The following PTPDC1 variants were observed in gnomAD, a reference collection of about 807,000 sequenced individuals.
The protein encoded by PTPDC1 is protein tyrosine phosphatase domain-containing protein 1.
A neutral mutation model predicts 75.3 loss-of-function variants in PTPDC1; 53 were observed. The ratio of observed to expected loss-of-function variants is 0.70; its 90% CI spans 0.56 to 0.88. The LOEUF (loss-of-function observed/expected upper bound fraction) is 0.88, where lower values mean the gene tolerates loss of function less well. PTPDC1 is among the 40% of genes least tolerant of loss of function. PTPDC1 has a pLI of 0.00. For missense variants in PTPDC1, 925 were observed against 998.6 expected, an observed-to-expected ratio of 0.93 and a Z score of 0.99; for synonymous variants, 349 against 366.2, an observed-to-expected ratio of 0.95 and a Z score of 0.54.
intron 5 of PTPDC1, among the ~76,000 whole-genome samples, chr9:94,096,080 G>A (rs1827553960): frequency 6.6e-6 from 1 of 152,180 alleles, no homozygotes; most frequent in Non-Finnish European, 1.5e-5. Context: ...TAAAAAGTCA[G>A]TGATTTTACT....
rs77739308 is a variant in PTPDC1, at chr9:94,102,186, G to T, written c.2199+435G>T. 5.0e-3 allele frequency among the ~76,000 whole-genome samples: 762 copies of T among 152,152 alleles called. 24 individuals are homozygous for T. The highest frequency in any genetic ancestry group is 0.044 in the East Asian group (230 of 5,174). ...ATAATTAAGCACTGTTTCACTGTTG[G>T]TTGTTTGTTTCTACTTATTTGCTGT... is the stretch of plus-strand genomic sequence containing the variant. On this transcript the variant is annotated intron_variant, in intron 7 of 8. Coordinates refer to ENST00000620992, the MANE Select transcript of PTPDC1 (RefSeq NM_001253829.2).
rs188935050 is a variant in PTPDC1 at position 94,103,138 on chromosome 9, A to G, written c.2200-1137A>G. ...TGCCTGCACACACACACATACACTC[A>G]CATACCACAGTTATGCAATACATAT... is the stretch of plus-strand genomic sequence containing the variant. On this transcript the variant is annotated intron_variant, in intron 7 of 8. Transcript: ENST00000620992. Among the ~76,000 whole-genome samples the G allele has an allele frequency of 7.2e-5, 11 of 152,264 alleles. No individual in the cohort carries two copies. In the East Asian group the frequency reaches 2.1e-3, roughly 29 times the overall value.
Position 94,107,915 on chromosome 9 carries a change from A to C in PTPDC1, c.2398A>C (p.Thr800Pro). The C allele has an allele frequency of 2.5e-6, 4 of 1,606,356 alleles. No individual in the cohort carries two copies. Among genetic ancestry groups the C allele is most frequent in the Non-Finnish European group, 3.4e-6 (4 of 1,175,804 alleles). Residue 800 changes from threonine (T) to proline (P), a missense_variant, in exon 9 of 9, where the codon ACA becomes CCA. Physicochemically the swap from Thr to Pro is conservative, Grantham distance 38. Transcript: ENST00000620992. ...CACGCTGGAAGAAAAAAGAAAAATG[A>C]CAAAAGATGGCCCTAAGCCTGGCCT... is the stretch of plus-strand genomic sequence containing the variant. ...KHTLEEKRKM[T>P]KDGPKPGL
intron 1 of PTPDC1, among the ~76,000 whole-genome samples, chr9:94,049,896 G>A (rs971663805): frequency 2.0e-5 from 3 of 152,136 alleles, no homozygotes; most frequent in Non-Finnish European, 4.4e-5. Context: ...CATATTTCTT[G>A]GAGGCTTTGT....
chr9:94,057,532 A>T (rs947658578), intron 1 of PTPDC1, among the ~76,000 whole-genome samples: 19 of 152,228 alleles, frequency 1.2e-4, no homozygotes, highest in African/African-American at 4.6e-4. Flanking sequence ...AAGATAACAA[A>T]TATTTATTGA....
chr9:94,088,176 C>T lies in PTPDC1; in HGVS notation c.529C>T (p.Arg177Cys), dbSNP rs749202866. 9.9e-6 allele frequency: 16 copies of T among 1,613,682 alleles called. No homozygotes were observed. The highest frequency in any genetic ancestry group is 5.0e-5 in the Admixed American group (3 of 59,980). Residue 177 changes from arginine (R) to cysteine (C), a missense_variant, in exon 4 of 9, where the codon CGC becomes TGC. Arg to Cys is a radical substitution (Grantham distance 180). Coordinates refer to ENST00000620992, the MANE Select transcript of PTPDC1 (RefSeq NM_001253829.2). ...HGIKTIINLQRPGEHASCGNP... is the reference protein window; with the variant it reads ...HGIKTIINLQCPGEHASCGNP... ...CATAAAAACAATAATCAACCTCCAG[C>T]GCCCTGGTGAGCATGCTAGCTGTGG...
chr9:94,086,852 G>C (rs986386089), intron 2 of PTPDC1, among the ~76,000 whole-genome samples: 11 of 152,174 alleles, frequency 7.2e-5, no homozygotes, highest in African/African-American at 2.7e-4. Flanking sequence ...CTAGAAAGTA[G>C]AAGAGCCAGC....
chr9:94,087,896 T>C lies in PTPDC1; in HGVS notation c.482T>C (p.Ile161Thr), dbSNP rs778345507. 4.3e-6 allele frequency: 7 copies of C among 1,613,572 alleles called. No homozygotes were observed. Among genetic ancestry groups the C allele is most frequent in the Middle Eastern group, 1.6e-4 (1 of 6,062 alleles). ...SSELLEKYHI[I>T]DQFLSHGIKT... ...GAGCTCCTGGAGAAGTACCACATCA[T>C]TGATCAGTTCCTCAGGTAAATGCTG... is the stretch of plus-strand genomic sequence containing the variant. The change falls in exon 3 of 9, where the codon ATT (isoleucine) becomes ACT (threonine). Residue 161 changes from isoleucine (I) to threonine (T), a missense_variant. Transcript: ENST00000620992.
At chr9:94,087,426 A>G (rs150356787) in intron 2 of PTPDC1, among the ~76,000 whole-genome samples, 64 of 152,338 alleles carry the variant, frequency 4.2e-4, no homozygotes, top group African/African-American at 1.3e-3. Flanking sequence ...ACCTAAAGAG[A>G]AAAAAAGCAA....
At chr9:94,080,854 AT>A (rs1826853538), upstream of PTPDC1, among the ~76,000 whole-genome samples, 1 of 152,202 alleles carries the variant, frequency 6.6e-6, no homozygotes, top group Non-Finnish European at 1.5e-5. Context: ...TATCTCAACC[AT>A]AATTTCCTGA....
intron 4 of PTPDC1, among the ~76,000 whole-genome samples, chr9:94,091,216 G>A (rs1175418129): frequency 6.6e-6 from 1 of 151,782 alleles, no homozygotes; most frequent in East Asian, 1.9e-4. Flanking sequence ...TTGGCTGTGG[G>A]TTTGTCATAG....
chr9:94,049,128 A>G (rs1010765409), intron 1 of PTPDC1, among the ~76,000 whole-genome samples: 8 of 152,188 alleles, frequency 5.3e-5, no homozygotes, highest in African/African-American at 1.9e-4. Context: ...TCCTGAATAC[A>G]GCACCCTGTT....
At chr9:94,034,869 A>G (rs985251029) in intron 1 of PTPDC1, among the ~76,000 whole-genome samples, 3 of 152,142 alleles carry the variant, frequency 2.0e-5, no homozygotes, top group Non-Finnish European at 4.4e-5. Context: ...ATGGGGTGCA[A>G]AATGATGCTG....
chr9:94,051,109 G>A (rs1825777625), intron 1 of PTPDC1, among the ~76,000 whole-genome samples: 1 of 152,202 alleles, frequency 6.6e-6, no homozygotes, highest in African/African-American at 2.4e-5. Context: ...AGTGCCGTCT[G>A]TACCCCTTTC....
intron 4 of PTPDC1, among the ~76,000 whole-genome samples, chr9:94,092,255 ATGCG>A (rs1358892772): frequency 6.9e-6 from 1 of 143,946 alleles, no homozygotes; most frequent in African/African-American, 2.6e-5. Context: ...ACTGCTTTGA[ATGCG>A]TCCCAGAGAT....
chr9:94,065,570 A>C (rs1826275878), intron 2 of PTPDC1, among the ~76,000 whole-genome samples: 1 of 152,228 alleles, frequency 6.6e-6, no homozygotes, highest in East Asian at 1.9e-4. Flanking sequence ...ATTGAGTTCA[A>C]CACTTGCTAG....
chr9:94,034,940 A>G (rs868574615), intron 1 of PTPDC1, among the ~76,000 whole-genome samples: 3 of 152,172 alleles, frequency 2.0e-5, no homozygotes, highest in South Asian at 4.1e-4. Context: ...CACCTCACGT[A>G]CTTATTTTTT....
intron 1 of PTPDC1, among the ~76,000 whole-genome samples, chr9:94,046,972 G>A (rs1825618678): frequency 6.6e-6 from 1 of 152,162 alleles, no homozygotes; most frequent in South Asian, 2.1e-4. Context: ...GTATGATATT[G>A]GCTGTGGGTT....
intron 4 of PTPDC1, among the ~76,000 whole-genome samples, chr9:94,093,811 C>G (rs982209257): frequency 1.4e-5 from 2 of 146,350 alleles, no homozygotes; most frequent in Non-Finnish European, 3.0e-5. Context: ...CTAAACTTCC[C>G]TTCTCGCTTC....
Sources: allele counts gnomAD v4.1 joint callset (sites outside exome capture counted in the v4.1 genomes callset), GRCh38; gene constraint gnomAD v4.1.1; transcripts MANE v1.5; gene names NCBI Gene and HGNC (gene_info 2026-07-23, HGNC 2026-07-21).